NCOA2: variants seen among roughly 807,000 people sequenced by gnomAD.
NCOA2 encodes the protein class E basic helix-loop-helix protein 75.
In NCOA2, 21 loss-of-function variants were observed where a neutral mutation model predicts 145.1. That is an observed-to-expected ratio of 0.14 (90% CI 0.10 to 0.21). The LOEUF (loss-of-function observed/expected upper bound fraction) is 0.21, where lower values mean the gene tolerates loss of function less well. Ranked by LOEUF, NCOA2 falls within the 10% of genes least tolerant of loss-of-function variation. The pLI, the probability that NCOA2 is intolerant of heterozygous loss-of-function variation, is 1.00. For missense variants in NCOA2, 1,472 were observed against 1,837.6 expected (o/e 0.80, Z 3.64); for synonymous variants, 619 against 637.5 (o/e 0.97, Z 0.44).
chr8:70,132,077 G>T, intron 15 of NCOA2, 75 bp from the exon 16 acceptor site: 1 of 1,443,330 alleles, frequency 6.9e-7, no homozygotes, highest in Non-Finnish European at 9.3e-7. Flanking sequence ...TATCTCAAAG[G>T]TGAAAGTATC....
chr8:70,199,131 G>A (rs748635232), intron 4 of NCOA2, among the ~76,000 whole-genome samples: 1 of 152,120 alleles, frequency 6.6e-6, no homozygotes, highest in African/African-American at 2.4e-5. Context: ...GCCAGTGAGT[G>A]AGGATGAATG....
chr8:70,446,454 CTTTT>C, the NCOA2 span, among the ~76,000 whole-genome samples: 1 of 152,186 alleles, frequency 6.6e-6, no homozygotes, highest in Non-Finnish European at 1.5e-5. Flanking sequence ...TTGATTCTTT[CTTTT>C]GTTTCCCTTA....
Position 70,156,651 on chromosome 8 carries a change from G to A in NCOA2, c.1714C>T (p.Pro572Ser). Residue 572 changes from proline (P) to serine (S), a missense_variant, in exon 11 of 23, where the codon CCC (proline) becomes TCC (serine). Around this residue, in one of 4 missense-constraint regions of NCOA2, gnomAD observed 953 missense variants for 1,062.1 expected, o/e 0.90. Coordinates refer to ENST00000452400, the MANE Select transcript of NCOA2 (RefSeq NM_006540.4). ...AAGCTTCCCATCTTGCTGAGTGGGG[G>A]AGGATTCATATTAACTGGGGAGTTT... is the stretch of plus-strand genomic sequence containing the variant. The part of the protein sequence containing the change: ...LQNSPVNMNP[P>S]PLSKMGSLDS... 3 of 1,613,964 alleles carry A rather than the reference G, an allele frequency of 1.9e-6. No individual in the cohort carries two copies. Among genetic ancestry groups the A allele is most frequent in the Non-Finnish European group, 1.7e-6 (2 of 1,179,888 alleles).
At chr8:70,188,664 A>C (rs1816341153) in intron 4 of NCOA2, among the ~76,000 whole-genome samples, 1 of 152,204 alleles carries the variant, frequency 6.6e-6, no homozygotes, top group Non-Finnish European at 1.5e-5. Context: ...AAAAACCTGA[A>C]ATCATTTCAG....
intron 4 of NCOA2, among the ~76,000 whole-genome samples, chr8:70,213,204 A>G (rs754585052): frequency 6.6e-6 from 1 of 152,144 alleles, no homozygotes; most frequent in Admixed American, 6.5e-5. Context: ...CCTGGGCACC[A>G]AAACGTTGTT....
the NCOA2 span, among the ~76,000 whole-genome samples, chr8:70,421,543 G>A: frequency 6.6e-6 from 1 of 152,112 alleles, no homozygotes; most frequent in Non-Finnish European, 1.5e-5. Flanking sequence ...GGGTAACAGA[G>A]TGAGATCCTG....
chr8:70,409,140 G>C, the NCOA2 span, among the ~76,000 whole-genome samples: 1 of 152,054 alleles, frequency 6.6e-6, no homozygotes, highest in Non-Finnish European at 1.5e-5. Flanking sequence ...TTAGCAAATG[G>C]ATCTATAGAT....
intron 2 of NCOA2, among the ~76,000 whole-genome samples, chr8:70,257,788 C>T (rs918933414): frequency 6.6e-6 from 1 of 151,894 alleles, no homozygotes; most frequent in African/African-American, 2.4e-5. Context: ...GCTTCAATGA[C>T]ACTGGCAGTA....
chr8:70,191,730 T>C (rs964531348), intron 4 of NCOA2, among the ~76,000 whole-genome samples: 2 of 152,074 alleles, frequency 1.3e-5, no homozygotes, highest in East Asian at 3.9e-4. Flanking sequence ...TTAAAAGAGA[T>C]AAACTGAGGG....
intron 1 of NCOA2, among the ~76,000 whole-genome samples, chr8:70,314,754 T>C (rs1390220978): frequency 6.6e-6 from 1 of 152,244 alleles, no homozygotes; most frequent in Non-Finnish European, 1.5e-5. Flanking sequence ...TATTATTGTA[T>C]GTGTGAACAA....
chr8:70,185,971 C>G (rs1816025091), intron 4 of NCOA2, among the ~76,000 whole-genome samples: 2 of 151,830 alleles, frequency 1.3e-5, no homozygotes, highest in South Asian at 4.2e-4. Context: ...CTACCTGGTT[C>G]ACAGGATTTT....
At chr8:70,117,500 G>C (rs184766270) in intron 22 of NCOA2, among the ~76,000 whole-genome samples, 3 of 152,340 alleles carry the variant, frequency 2.0e-5, no homozygotes, top group Non-Finnish European at 4.4e-5. Flanking sequence ...AATATTTACT[G>C]TCTGTCCACA....
the NCOA2 span, among the ~76,000 whole-genome samples, chr8:70,428,024 A>C: frequency 6.6e-6 from 1 of 152,168 alleles, no homozygotes; most frequent in African/African-American, 2.4e-5. Context: ...AAAATGTTTA[A>C]AATTTTGAAT....
At chr8:70,428,316 A>G in the NCOA2 span, among the ~76,000 whole-genome samples, 1 of 151,934 alleles carries the variant, frequency 6.6e-6, no homozygotes, top group Non-Finnish European at 1.5e-5. Context: ...AAAAATTAGC[A>G]GGGCATGATG....
rs1278062911 is a variant in NCOA2 at position 70,112,450 on chromosome 8, A to C, written c.*1182T>G. On this transcript the variant is annotated 3_prime_UTR_variant, in exon 23 of 23. Transcript: ENST00000452400. ...ACTTCGGCTTAGTCAGCACTGCTAA[A>C]AAACAAAATAAAAAACACATGGCAG... 5.1e-6 allele frequency: 1 copy of C among 197,736 alleles called. No individual in the cohort carries two copies. Among genetic ancestry groups the C allele is most frequent in the Non-Finnish European group, 1.0e-5 (1 of 95,408 alleles). The allele number at this position is 197,736 out of a possible 1,614,324, so 12.2% of individuals were successfully genotyped here.
At chr8:70,150,204 G>T (rs1193523670) in intron 11 of NCOA2, among the ~76,000 whole-genome samples, 1 of 152,164 alleles carries the variant, frequency 6.6e-6, no homozygotes, top group Non-Finnish European at 1.5e-5. Context: ...CCACTCAATT[G>T]TAACAAAAGA....
At chr8:70,380,294 T>C (rs1050359858) in intron 1 of NCOA2, among the ~76,000 whole-genome samples, 3 of 152,194 alleles carry the variant, frequency 2.0e-5, no homozygotes, top group Non-Finnish European at 4.4e-5. Context: ...TAAGATGAGA[T>C]CCTACTAGGT....
chr8:70,198,402 G>T (rs1220025285), intron 4 of NCOA2, among the ~76,000 whole-genome samples: 3 of 152,178 alleles, frequency 2.0e-5, no homozygotes, highest in Admixed American at 1.3e-4. Context: ...AGACAGCCTG[G>T]AAAGTACAAT....
Position 70,110,785 on chromosome 8 carries a change from T to G in NCOA2, c.*2847A>C, listed in dbSNP as rs2131094041. 1 of 225,320 alleles carries G rather than the reference T, an allele frequency of 4.4e-6. No homozygotes were observed. The highest frequency in any genetic ancestry group is 6.5e-5 in the East Asian group (1 of 15,482). The allele number at this position is 225,320 out of a possible 1,614,324, so 14.0% of individuals were successfully genotyped here. On this transcript the variant is annotated 3_prime_UTR_variant, in exon 23 of 23. Transcript: ENST00000452400. ...TAATCTTTGAGTCAAACGAATTCAT[T>G]GTAGTAAAACAGCTCACTTCACTTT...
Sources: gnomAD v4.1 joint callset for allele counts (sites outside exome capture counted in the v4.1 genomes callset) on GRCh38, gnomAD v4.1.1 for gene constraint, gnomAD v4.1.1 regional missense constraint, MANE v1.5 for transcripts, NCBI Gene and HGNC (gene_info 2026-07-23, HGNC 2026-07-21) for gene names.